RAD51B: variants seen among roughly 807,000 people sequenced by gnomAD.
RAD51B encodes the protein RAD51 paralog B.
RAD51B carries 38 observed loss-of-function variants against 42.2 expected under a neutral mutation model. The ratio of observed to expected loss-of-function variants is 0.90; its 90% confidence interval spans 0.70 to 1.18. The LOEUF (loss-of-function observed/expected upper bound fraction) is 1.18. RAD51B is among the 50% of genes most tolerant of loss of function. RAD51B has a pLI of 0.00. For synonymous variants in RAD51B, 154 were observed against 145.2 expected, an observed-to-expected ratio of 1.06 and a Z score of -0.43; for missense variants, 373 against 400.7, an observed-to-expected ratio of 0.93 and a Z score of 0.59.
chr14:68,055,284 A>G (rs1446700407), intron 7 of RAD51B, among the ~76,000 whole-genome samples: 1 of 152,194 alleles, frequency 6.6e-6, no homozygotes, highest in Non-Finnish European at 1.5e-5. Context: ...GATTAAATAA[A>G]CATATTTTAA....
chr14:68,570,230 C>G (rs1025641445), intron 10 of RAD51B, among the ~76,000 whole-genome samples: 3 of 152,174 alleles, frequency 2.0e-5, no homozygotes, highest in Non-Finnish European at 4.4e-5. Flanking sequence ...CCTGTGGGAA[C>G]AGGGACTACC....
At chr14:68,595,927 C>A (rs187568754) in exon 11 of RAD51B, 2 of 371,548 alleles carry the variant, frequency 5.4e-6, no homozygotes, top group South Asian at 1.2e-4. Context: ...TTATACTTGA[C>A]TTTTATTTCT....
intron 7 of RAD51B, among the ~76,000 whole-genome samples, chr14:67,965,177 C>T (rs2074746042): frequency 6.6e-6 from 1 of 152,186 alleles, no homozygotes; most frequent in Non-Finnish European, 1.5e-5. Context: ...CCCTCCCTCC[C>T]TTCCTATATC....
intron 9 of RAD51B, among the ~76,000 whole-genome samples, chr14:68,450,432 T>A (rs1467894719): frequency 1.3e-5 from 2 of 152,114 alleles, no homozygotes; most frequent in African/African-American, 4.8e-5. Flanking sequence ...TTGACCAGGC[T>A]GGTCTCGAAC....
At chr14:68,522,512 TCCTC>T (rs1286312585) in intron 10 of RAD51B, among the ~76,000 whole-genome samples, 3 of 152,268 alleles carry the variant, frequency 2.0e-5, no homozygotes, top group South Asian at 2.1e-4. Context: ...GGCTCCATAA[TCCTC>T]CCTCTCCTGG....
chr14:68,302,483 G>A (rs1043571893), intron 8 of RAD51B, among the ~76,000 whole-genome samples: 28 of 152,162 alleles, frequency 1.8e-4, no homozygotes, highest in African/African-American at 5.8e-4. Context: ...AAAAGCCCCC[G>A]TCATGGAATC....
chr14:68,067,548 C>G (rs556101445), intron 7 of RAD51B, among the ~76,000 whole-genome samples: 1 of 150,812 alleles, frequency 6.6e-6, no homozygotes, highest in East Asian at 1.9e-4. Context: ...TTGAAAAGCA[C>G]ACTGATACTA....
intron 10 of RAD51B, 135 bp from the exon 11 acceptor site, chr14:68,477,513 T>C: frequency 1.9e-6 from 2 of 1,079,676 alleles, no homozygotes; most frequent in South Asian, 3.2e-5. Context: ...GCAAGGCCAG[T>C]GGCTCTGTGG....
chr14:68,636,853 A>G (rs1459673786), intron 10 of RAD51B, among the ~76,000 whole-genome samples: 1 of 152,208 alleles, frequency 6.6e-6, no homozygotes, highest in Non-Finnish European at 1.5e-5. Context: ...GGCGGCCCCA[A>G]GCAAGCCCTG....
chr14:68,462,348 T>C (rs1211436768), intron 9 of RAD51B, among the ~76,000 whole-genome samples: 1 of 152,200 alleles, frequency 6.6e-6, no homozygotes, highest in East Asian at 1.9e-4. Context: ...GACCTCTCTG[T>C]CTTATTCCCT....
intron 7 of RAD51B, among the ~76,000 whole-genome samples, chr14:68,237,847 G>A (rs2080295596): frequency 6.8e-6 from 1 of 146,834 alleles, no homozygotes; most frequent in African/African-American, 2.5e-5. Flanking sequence ...TGATTCCCCT[G>A]CCTCAGCCTC....
intron 7 of RAD51B, among the ~76,000 whole-genome samples, chr14:68,151,273 C>G (rs1307393751): frequency 6.6e-6 from 1 of 151,700 alleles, no homozygotes; most frequent in African/African-American, 2.4e-5. Context: ...AGAAACTGTG[C>G]TTATCCTTAT....
intron 7 of RAD51B, among the ~76,000 whole-genome samples, chr14:67,909,735 G>T (rs1027166340): frequency 1.3e-5 from 2 of 152,176 alleles, no homozygotes; most frequent in African/African-American, 4.8e-5. Context: ...CTGGAGTAGC[G>T]TAGCACGAAC....
chr14:68,022,806 A>G (rs1287631428), intron 7 of RAD51B, among the ~76,000 whole-genome samples: 1 of 151,702 alleles, frequency 6.6e-6, no homozygotes, highest in Non-Finnish European at 1.5e-5. Context: ...CCCTTCTCCC[A>G]CCCTCCACCC....
intron 7 of RAD51B, among the ~76,000 whole-genome samples, chr14:68,230,011 A>G (rs2080115978): frequency 6.6e-6 from 1 of 152,312 alleles, no homozygotes; most frequent in East Asian, 1.9e-4. Context: ...CATTTCTAGC[A>G]TGTCACTGAA....
intron 11 of RAD51B, among the ~76,000 whole-genome samples, chr14:68,679,167 G>A (rs912720620): frequency 6.6e-6 from 1 of 152,164 alleles, no homozygotes; most frequent in Non-Finnish European, 1.5e-5. Flanking sequence ...AAGGCTTCCC[G>A]AGCACCAGGT....
At chr14:68,439,796 A>C (rs986909645) in intron 9 of RAD51B, among the ~76,000 whole-genome samples, 2 of 152,192 alleles carry the variant, frequency 1.3e-5, no homozygotes, top group Non-Finnish European at 2.9e-5. Flanking sequence ...ATAATGTCTC[A>C]TGGGGGTTGG....
intron 7 of RAD51B, among the ~76,000 whole-genome samples, chr14:68,038,715 G>A (rs2076171585): frequency 6.6e-6 from 1 of 152,116 alleles, no homozygotes. Flanking sequence ...CCAATGATGT[G>A]TTGGAGGCAG....
intron 7 of RAD51B, among the ~76,000 whole-genome samples, chr14:68,263,170 C>A (rs1030818188): frequency 6.6e-6 from 1 of 152,210 alleles, no homozygotes; most frequent in Non-Finnish European, 1.5e-5. Flanking sequence ...GAACAGGATA[C>A]CTGCAAGCAT....
Sources: gnomAD v4.1 joint callset for allele counts (sites outside exome capture counted in the v4.1 genomes callset) on GRCh38, gnomAD v4.1.1 for gene constraint, MANE v1.5 for transcripts, NCBI Gene and HGNC (gene_info 2026-07-23, HGNC 2026-07-21) for gene names.